The following TPGS2 variants were observed in gnomAD, a reference collection of about 807,000 sequenced individuals.
TPGS2 encodes polyglutamylase subunit 2.
A neutral mutation model predicts 31.1 loss-of-function variants in TPGS2; 26 were observed. The ratio of observed to expected loss-of-function variants is 0.84; its 90% CI spans 0.61 to 1.16. The LOEUF (loss-of-function observed/expected upper bound fraction) is 1.16, where lower values mean the gene tolerates loss of function less well. Ranked by LOEUF, TPGS2 falls within the 50% of genes most tolerant of loss-of-function variation. The pLI is 0.00. For synonymous variants in TPGS2, 130 were observed against 136.6 expected (o/e 0.95, Z 0.34); for missense variants, 351 against 363.8 (o/e 0.96, Z 0.29).
intron 5 of TPGS2, among the ~76,000 whole-genome samples, chr18:36,798,963 C>G (rs1271959997): frequency 6.6e-6 from 1 of 152,188 alleles, no homozygotes; most frequent in East Asian, 1.9e-4. Context: ...GTGGTCTCAG[C>G]TTTCCTGAGA....
Position 36,794,631 on chromosome 18 carries a change from CCTTTG to C in TPGS2, c.*2169_*2173del. On this transcript the variant is annotated 3_prime_UTR_variant, in exon 7 of 7. Coordinates refer to ENST00000334295, the MANE Select transcript of TPGS2 (RefSeq NM_015476.4). ...CTCCTATCCAGTGCCGTTGGCTCTTCCTTTGATCAATTCTGGCAAGAAAAATACTT... is the reference window on the plus strand; with the variant it reads ...CTCCTATCCAGTGCCGTTGGCTCTTCATCAATTCTGGCAAGAAAAATACTT... 4 of 985,406 alleles carry C rather than the reference CCTTTG, an allele frequency of 4.1e-6. No homozygotes were observed. In the South Asian group the frequency reaches 1.4e-4, roughly 35 times the overall value. The allele number at this position is 985,406 out of a possible 1,614,324, so 61.0% of individuals were successfully genotyped here.
At chr18:36,818,340 G>A (rs1274414240) in intron 2 of TPGS2, among the ~76,000 whole-genome samples, 1 of 151,668 alleles carries the variant, frequency 6.6e-6, no homozygotes, top group Non-Finnish European at 1.5e-5. Context: ...AAGATCAAGA[G>A]GCAAAAACAG....
chr18:36,781,309 C>T (rs1007800818), downstream of TPGS2, among the ~76,000 whole-genome samples: 4 of 152,100 alleles, frequency 2.6e-5, no homozygotes, highest in South Asian at 2.1e-4. Flanking sequence ...GCAGGTATTT[C>T]GAGGGGTTGA....
Position 36,807,926 on chromosome 18 carries a change from GTTA to G in TPGS2, c.171_173del (p.Asn58del). On this transcript the variant is annotated inframe_deletion, in exon 3 of 7. Transcript: ENST00000334295. ...TCTTCACATCTTCAGGCATCACACAGTTATTCTTCTAGAATCACAAAGCAGCTA... is the reference window on the plus strand; with the variant it reads ...TCTTCACATCTTCAGGCATCACACAGTTCTTCTAGAATCACAAAGCAGCTA... The G allele has an allele frequency of 6.2e-7, 1 of 1,614,102 alleles. No homozygotes were observed. The highest frequency in any genetic ancestry group is 2.2e-5 in the East Asian group (1 of 44,872).
rs919073310 is a variant in TPGS2, at chr18:36,795,007, T to C, written c.*1798A>G. On this transcript the variant is annotated 3_prime_UTR_variant, in exon 7 of 7. Coordinates refer to ENST00000334295, the MANE Select transcript of TPGS2 (RefSeq NM_015476.4). Reference sequence around the variant, plus strand: ...GCTCAGTTTATGCTCCCAAAGACTCTTAAGCGCTGATATTTCAAGACTTTG... The same window carrying C: ...GCTCAGTTTATGCTCCCAAAGACTCCTAAGCGCTGATATTTCAAGACTTTG... The C allele has an allele frequency of 1.0e-6, 1 of 985,436 alleles. No homozygotes were observed. The highest frequency in any genetic ancestry group is 1.2e-6 in the Non-Finnish European group (1 of 829,948). The allele number at this position is 985,436 out of a possible 1,614,324, so 61.0% of individuals were successfully genotyped here. A position where few individuals can be genotyped will look rare whatever the true frequency, so the allele number is the denominator to read the frequency against.
At chr18:36,800,965 C>G (rs928714764) in intron 4 of TPGS2, among the ~76,000 whole-genome samples, 1 of 152,202 alleles carries the variant, frequency 6.6e-6, no homozygotes, top group African/African-American at 2.4e-5. Flanking sequence ...GCTGGGATTA[C>G]AGGCACGAGC....
intron 1 of TPGS2, among the ~76,000 whole-genome samples, chr18:36,823,300 G>A (rs1315345421): frequency 6.6e-6 from 1 of 152,102 alleles, no homozygotes; most frequent in Non-Finnish European, 1.5e-5. Context: ...TTGCAGGACT[G>A]AAGCTTCCAT....
At chr18:36,817,023 G>A (rs962523287) in intron 2 of TPGS2, among the ~76,000 whole-genome samples, 1 of 152,216 alleles carries the variant, frequency 6.6e-6, no homozygotes, top group African/African-American at 2.4e-5. Context: ...ACATCAATGA[G>A]GCCAGACTGG....
chr18:36,808,016 T>C (rs1410167858), intron 2 of TPGS2, 82 bp from the exon 3 acceptor site: 8 of 1,335,114 alleles, frequency 6.0e-6, no homozygotes, highest in Non-Finnish European at 8.5e-6. Flanking sequence ...TGGGGACACG[T>C]TTAGCATGTT....
chr18:36,781,545 G>A (rs1200330544), downstream of TPGS2, among the ~76,000 whole-genome samples: 1 of 152,076 alleles, frequency 6.6e-6, no homozygotes, highest in Non-Finnish European at 1.5e-5. Flanking sequence ...CCAGTCACTC[G>A]GGAGGCTGAA....
intron 3 of TPGS2, among the ~76,000 whole-genome samples, chr18:36,807,366 G>A (rs569722020): frequency 3.3e-5 from 5 of 152,302 alleles, no homozygotes; most frequent in African/African-American, 1.2e-4. Flanking sequence ...TTAGGCTGAG[G>A]TGATGTGAAG....
rs532612691 is a variant in TPGS2 at position 36,797,185 on chromosome 18, A to C, written c.658-135T>G. The C allele has an allele frequency of 8.9e-5, 134 of 1,501,588 alleles. 2 individuals are homozygous for C. The South Asian group carries it at 1.7e-3, about 19-fold the overall frequency. The allele number at this position is 1,501,588 out of a possible 1,614,324, so 93.0% of individuals were successfully genotyped here. On this transcript the variant is annotated intron_variant, in intron 6 of 6. Coordinates refer to ENST00000334295, the MANE Select transcript of TPGS2 (RefSeq NM_015476.4). ...TTCATGAAAAACTGCCTAAAAATCT[A>C]TTTGCTCTTCCTTTAAGTGGAGGTG...
Position 36,794,293 on chromosome 18 carries a change from C to A in TPGS2, c.*2512G>T. The A allele has an allele frequency of 1.0e-6, 1 of 985,474 alleles. No homozygotes were observed. 61.0% of individuals were successfully genotyped at this position (985,474 alleles called of 1,614,324 possible). On this transcript the variant is annotated 3_prime_UTR_variant, in exon 7 of 7. Coordinates refer to ENST00000334295, the MANE Select transcript of TPGS2 (RefSeq NM_015476.4). The stretch of plus-strand genomic sequence containing the variant: ...TCTTCATTTTGTACTGGATCCTGCA[C>A]TGAGTGGAGTCAGTCCTGCTCTTCC...
chr18:36,786,624 C>G, intron 6 of TPGS2: 1 of 389,992 alleles, frequency 2.6e-6, no homozygotes. Context: ...AAAGTTGTTC[C>G]GTCAGTCTTA....
At chr18:36,798,696 TA>T (rs923854947) in intron 5 of TPGS2, 87 bp from the exon 6 acceptor site, 430 of 1,426,538 alleles carry the variant, frequency 3.0e-4, no homozygotes, top group South Asian at 7.6e-4. Flanking sequence ...CTCATGGCCT[TA>T]AAAAAAAATC....
intron 2 of TPGS2, among the ~76,000 whole-genome samples, chr18:36,809,938 G>T (rs1228713381): frequency 6.6e-6 from 1 of 152,026 alleles, no homozygotes; most frequent in African/African-American, 2.4e-5. Flanking sequence ...CAAGAAATAA[G>T]TTTTGGTATT....
chr18:36,803,602 A>G (rs191356701), intron 4 of TPGS2, among the ~76,000 whole-genome samples: 9 of 152,242 alleles, frequency 5.9e-5, no homozygotes, highest in African/African-American at 2.2e-4. Context: ...ATTCCAATGG[A>G]AAGTGTCCTG....
At chr18:36,811,101 T>G (rs2045402868) in intron 2 of TPGS2, among the ~76,000 whole-genome samples, 1 of 152,118 alleles carries the variant, frequency 6.6e-6, no homozygotes, top group African/African-American at 2.4e-5. Context: ...GGTGAAGAGC[T>G]GCCCAGGACG....
At chr18:36,803,912 G>A (rs544167173) in intron 4 of TPGS2, among the ~76,000 whole-genome samples, 4 of 151,428 alleles carry the variant, frequency 2.6e-5, no homozygotes, top group Non-Finnish European at 4.4e-5. Flanking sequence ...AAATAGTGAC[G>A]GGATCTCACT....
Sources: gnomAD v4.1 joint callset for allele counts (sites outside exome capture counted in the v4.1 genomes callset) on GRCh38, gnomAD v4.1.1 for gene constraint, MANE v1.5 for transcripts, NCBI Gene and HGNC (gene_info 2026-07-23, HGNC 2026-07-21) for gene names.